SGCZ: variants seen among roughly 807,000 people sequenced by gnomAD.
SGCZ encodes sarcoglycan zeta, also known as zeta-sarcoglycan.
A neutral mutation model predicts 41.3 loss-of-function variants in SGCZ; 40 were observed. The observed-to-expected ratio is 0.97, with a 90% confidence interval of 0.75 to 1.26. The LOEUF is 1.26. SGCZ is among the 50% of genes most tolerant of loss of function. SGCZ has a pLI of 0.00. For synonymous variants in SGCZ, 206 were observed against 137.5 expected, an observed-to-expected ratio of 1.50 and a Z score of -3.49; for missense variants, 552 against 369.8, an observed-to-expected ratio of 1.49 and a Z score of -4.04.
intron 1 of SGCZ, among the ~76,000 whole-genome samples, chr8:15,154,037 T>C (rs1799255346): frequency 1.3e-5 from 2 of 152,064 alleles, no homozygotes; most frequent in Admixed American, 6.5e-5. Context: ...TCTATGAGAA[T>C]CTAAAGATGC....
At chr8:14,969,684 T>G (rs1465369281) in intron 1 of SGCZ, among the ~76,000 whole-genome samples, 1 of 152,052 alleles carries the variant, frequency 6.6e-6, no homozygotes, top group Non-Finnish European at 1.5e-5. Context: ...CATAATTATT[T>G]TGAGATACAT....
chr8:15,215,196 A>C (rs1176150758), intron 1 of SGCZ, among the ~76,000 whole-genome samples: 4 of 152,242 alleles, frequency 2.6e-5, no homozygotes, highest in Non-Finnish European at 5.9e-5. Flanking sequence ...TAAACTAGAT[A>C]TATCACAGTT....
At chr8:14,852,523 T>G (rs932745743) in intron 1 of SGCZ, among the ~76,000 whole-genome samples, 1 of 152,132 alleles carries the variant, frequency 6.6e-6, no homozygotes. Flanking sequence ...TGCCATCGAG[T>G]ACACACCAGC....
intron 1 of SGCZ, among the ~76,000 whole-genome samples, chr8:14,745,838 T>C (rs1193209680): frequency 6.6e-6 from 1 of 152,076 alleles, no homozygotes; most frequent in Non-Finnish European, 1.5e-5. Flanking sequence ...ATATTATTTT[T>C]ATATAACAAA....
intron 2 of SGCZ, among the ~76,000 whole-genome samples, chr8:14,324,775 G>A (rs1802037243): frequency 6.6e-6 from 1 of 152,110 alleles, no homozygotes; most frequent in African/African-American, 2.4e-5. Context: ...TAATGCTCAT[G>A]AGACAGAATA....
rs78981791 is a variant in SGCZ, at chr8:14,624,163, G to C, written c.40-69237C>G. 5.2e-3 allele frequency among the ~76,000 whole-genome samples: 794 copies of C among 152,130 alleles called. 7 individuals are homozygous for C. Among genetic ancestry groups the C allele is most frequent in the African/African-American group, 0.018 (749 of 41,480 alleles). On this transcript the variant is annotated intron_variant, in intron 1 of 7. Transcript: ENST00000382080. ...TATATGCATATTTAATTTCTGCAGG[G>C]TCAATGCAGACACATGTACAGCAAT...
chr8:14,335,006 G>T (rs1196895264), intron 2 of SGCZ, among the ~76,000 whole-genome samples: 1 of 151,990 alleles, frequency 6.6e-6, no homozygotes, highest in Non-Finnish European at 1.5e-5. Context: ...TGGGACTGAG[G>T]AACTATTAGG....
chr8:14,428,427 A>G (rs192864508), intron 2 of SGCZ, among the ~76,000 whole-genome samples: 1 of 152,218 alleles, frequency 6.6e-6, no homozygotes, highest in Non-Finnish European at 1.5e-5. Flanking sequence ...CATATAGACA[A>G]GCCAAAATTC....
chr8:14,449,083 G>T (rs1341151151), intron 2 of SGCZ, among the ~76,000 whole-genome samples: 1 of 152,126 alleles, frequency 6.6e-6, no homozygotes, highest in Non-Finnish European at 1.5e-5. Flanking sequence ...TGCAAAACAA[G>T]TCCTGCCAGC....
rs192341987 is a variant in SGCZ, at chr8:14,378,853, G to T, written c.235-54649C>A. On this transcript the variant is annotated intron_variant, in intron 2 of 7. Transcript: ENST00000382080. ...ACTCTGCACACTGAGTGTCAGACGT[G>T]TGAGGAAAAACAAGTCATACATATT... 2.0e-4 allele frequency among the ~76,000 whole-genome samples: 31 copies of T among 152,234 alleles called. No individual in the cohort carries two copies. The East Asian group carries it at 5.4e-3, about 27-fold the overall frequency.
chr8:15,146,142 GA>G (rs78225419), intron 1 of SGCZ, among the ~76,000 whole-genome samples: 50,175 of 151,098 alleles, frequency 0.33, 9,122 homozygotes, highest in East Asian at 0.69. Context: ...AGAAAACTAA[GA>G]AAAAAATTGA....
chr8:14,996,647 T>C (rs116567213), intron 1 of SGCZ, among the ~76,000 whole-genome samples: 3,368 of 152,274 alleles, frequency 0.022, 144 homozygotes, highest in African/African-American at 0.076. Context: ...CAAGAGGCTG[T>C]GTATTCTTCC....
intron 1 of SGCZ, among the ~76,000 whole-genome samples, chr8:14,594,038 G>A (rs934946695): frequency 6.6e-6 from 1 of 151,916 alleles, no homozygotes; most frequent in Non-Finnish European, 1.5e-5. Context: ...AGCCAGGCGT[G>A]GTGGCACACG....
intron 1 of SGCZ, among the ~76,000 whole-genome samples, chr8:14,640,810 C>G (rs1235526778): frequency 6.6e-6 from 1 of 151,642 alleles, no homozygotes; most frequent in Non-Finnish European, 1.5e-5. Context: ...CACATCTCAT[C>G]TTTTCTGATA....
chr8:14,087,484 T>C lies in SGCZ; in HGVS notation c.*2959A>G, dbSNP rs968839806. 3.3e-5 allele frequency among the ~76,000 whole-genome samples: 5 copies of C among 151,658 alleles called. No homozygotes were observed. Among genetic ancestry groups the C allele is most frequent in the South Asian group, 2.1e-4 (1 of 4,834 alleles). On this transcript the variant is annotated 3_prime_UTR_variant, in exon 8 of 8. Coordinates refer to ENST00000382080, the MANE Select transcript of SGCZ (RefSeq NM_139167.4). ...CAACCTCTTTTTCTTCTTCCGTTTG[T>C]TCCTTCCTGGCGTACACTGAGTATG... is the stretch of plus-strand genomic sequence containing the variant.
intron 1 of SGCZ, among the ~76,000 whole-genome samples, chr8:15,119,464 A>C (rs1393810120): frequency 1.3e-5 from 2 of 151,910 alleles, no homozygotes; most frequent in African/African-American, 4.8e-5. Flanking sequence ...CCGGAGGCAC[A>C]CAAGTTGCAA....
rs114556154 is a variant in SGCZ, at chr8:15,009,628, G to A, written c.39+227957C>T. Among the ~76,000 whole-genome samples the A allele has an allele frequency of 6.5e-3, 983 of 152,238 alleles. 5 individuals are homozygous for A. The highest frequency in any genetic ancestry group is 0.022 in the African/African-American group (924 of 41,542). On this transcript the variant is annotated intron_variant, in intron 1 of 7. Transcript: ENST00000382080. The stretch of plus-strand genomic sequence containing the variant: ...TCCAGTTAACAATCATTTTTAGCAG[G>A]TGACTGTCAATGATATCGAGAATAA...
chr8:14,810,123 T>G (rs1585280854), intron 1 of SGCZ, among the ~76,000 whole-genome samples: 1 of 151,976 alleles, frequency 6.6e-6, no homozygotes, highest in African/African-American at 2.4e-5. Flanking sequence ...GCAAAAAAAT[T>G]TCAGGATTAG....
chr8:15,232,155 T>C (rs1801962261), intron 1 of SGCZ, among the ~76,000 whole-genome samples: 1 of 152,214 alleles, frequency 6.6e-6, no homozygotes, highest in Non-Finnish European at 1.5e-5. Context: ...AACTTAAAGT[T>C]GTAAGCTCTG....
Sources: allele counts gnomAD v4.1 joint callset (sites outside exome capture counted in the v4.1 genomes callset), GRCh38; gene constraint gnomAD v4.1.1; transcripts MANE v1.5; gene names NCBI Gene and HGNC (gene_info 2026-07-23, HGNC 2026-07-21).